The following GRK5 variants were observed in gnomAD, a reference collection of about 807,000 sequenced individuals.
GRK5 encodes the protein g protein-coupled receptor kinase GRK5.
Under a neutral mutation model 78.4 loss-of-function variants are expected in GRK5, and 40 were observed. The ratio of observed to expected loss-of-function variants is 0.51; its 90% confidence interval spans 0.40 to 0.66. The LOEUF is 0.66. Among genes scored for constraint, GRK5 ranks in the 30% least tolerant of loss-of-function variants. GRK5 has a pLI of 0.00. For synonymous variants in GRK5, 289 were observed against 296.8 expected (o/e 0.97, Z 0.27); for missense variants, 598 against 759.9 (o/e 0.79, Z 2.50).
intron 1 of GRK5, among the ~76,000 whole-genome samples, chr10:119,274,460 G>C (rs1849635245): frequency 6.6e-6 from 1 of 152,216 alleles, no homozygotes; most frequent in Non-Finnish European, 1.5e-5. Flanking sequence ...ACTTACCTGT[G>C]CTTCCTTCAG....
chr10:119,448,001 C>T (rs1853189444), intron 12 of GRK5, 122 bp from the exon 13 acceptor site: 5 of 1,243,264 alleles, frequency 4.0e-6, no homozygotes, highest in Admixed American at 3.0e-5. Flanking sequence ...TGAAGCAAGA[C>T]CTTTGCAGGG....
intron 3 of GRK5, among the ~76,000 whole-genome samples, chr10:119,383,346 A>T (rs1851743984): frequency 6.6e-6 from 1 of 152,196 alleles, no homozygotes; most frequent in Non-Finnish European, 1.5e-5. Context: ...CCATCAGGGG[A>T]CATACACCAT....
At position 119,318,049 on chromosome 10, in the gene GRK5, C is replaced by T. The variant is rs557330811; in HGVS notation, c.53-8467C>T. On this transcript the variant is annotated intron_variant, in intron 1 of 15. Coordinates refer to ENST00000392870, the MANE Select transcript of GRK5 (RefSeq NM_005308.3). ...TCCCAGCGATGCTGATGCTGCTGGT[C>T]CAAGGACCACCGAGAACCACTGACT... Among the ~76,000 whole-genome samples, 10 of 123,978 alleles carry T rather than the reference C, an allele frequency of 8.1e-5. No homozygotes were observed. In the South Asian group the frequency reaches 2.9e-3, roughly 36 times the overall value. The allele number at this position is 123,978 out of a possible 152,430, so 81.3% of individuals were successfully genotyped here.
intron 4 of GRK5, among the ~76,000 whole-genome samples, chr10:119,419,123 T>A (rs1589799693): frequency 6.6e-6 from 1 of 152,222 alleles, no homozygotes; most frequent in Non-Finnish European, 1.5e-5. Flanking sequence ...CCCCTCTCCC[T>A]TCTCCAGCCC....
chr10:119,279,347 G>A (rs1399195356), intron 1 of GRK5, among the ~76,000 whole-genome samples: 1 of 152,156 alleles, frequency 6.6e-6, no homozygotes, highest in Non-Finnish European at 1.5e-5. Flanking sequence ...GAATTTGGGG[G>A]CATACAATTC....
chr10:119,266,618 C>A (rs1362668396), intron 1 of GRK5, among the ~76,000 whole-genome samples: 1 of 152,048 alleles, frequency 6.6e-6, no homozygotes, highest in African/African-American at 2.4e-5. Context: ...CCAAGGGAAC[C>A]CGCTGTCTAA....
At chr10:119,354,590 CG>C (rs1158594991) in intron 2 of GRK5, among the ~76,000 whole-genome samples, 1 of 151,902 alleles carries the variant, frequency 6.6e-6, no homozygotes, top group Non-Finnish European at 1.5e-5. Context: ...TTTGTAGAGA[CG>C]GGGTTTTGCC....
At chr10:119,429,099 A>G (rs890173670) in intron 6 of GRK5, among the ~76,000 whole-genome samples, 1 of 152,246 alleles carries the variant, frequency 6.6e-6, no homozygotes, top group Non-Finnish European at 1.5e-5. Flanking sequence ...CCTGTGCAGA[A>G]GAGCGGGATA....
intron 2 of GRK5, among the ~76,000 whole-genome samples, chr10:119,375,743 G>A (rs1229457819): frequency 6.6e-6 from 1 of 152,138 alleles, no homozygotes; most frequent in Non-Finnish European, 1.5e-5. Context: ...GGCCAGCTGT[G>A]GGCATGCCGG....
Position 119,396,184 on chromosome 10 carries a change from G to C in GRK5, c.262-511G>C, listed in dbSNP as rs544164320. ...TATAATCAGTGTATACCTAGGTGCT[G>C]GTACCATCTGCGTTTTATAGAAGGG... On this transcript the variant is annotated intron_variant, in intron 3 of 15. Transcript: ENST00000392870. Among the ~76,000 whole-genome samples, 247 of 152,316 alleles carry C rather than the reference G, an allele frequency of 1.6e-3. 1 individual carries two copies. Among genetic ancestry groups the C allele is most frequent in the Non-Finnish European group, 2.9e-3 (195 of 68,022 alleles).
At chr10:119,397,917 G>C (rs1008596746) in intron 4 of GRK5, among the ~76,000 whole-genome samples, 1 of 152,212 alleles carries the variant, frequency 6.6e-6, no homozygotes, top group African/African-American at 2.4e-5. Flanking sequence ...CTGTTTCTCT[G>C]CTGCATCCAT....
At chr10:119,208,117 G>C in intron 1 of GRK5, 148 bp downstream of exon 1, 2 of 696,550 alleles carry the variant, frequency 2.9e-6, no homozygotes, top group Non-Finnish European at 4.7e-6. Context: ...GAGCGGCTCT[G>C]CAGACCCTTC....
At chr10:119,292,098 T>C (rs1180416841) in intron 1 of GRK5, among the ~76,000 whole-genome samples, 13 of 40,438 alleles carry the variant, frequency 3.2e-4, no homozygotes, top group East Asian at 1.1e-3. Context: ...CCTTCTCCTC[T>C]TCCTCCTTCT....
chr10:119,406,611 C>A, intron 4 of GRK5: 1 of 334,952 alleles, frequency 3.0e-6, no homozygotes, highest in East Asian at 1.7e-4. Flanking sequence ...GTCAATTAAT[C>A]TAGTGAGCTC....
At chr10:119,292,301 C>CTTCCTCCTTCTCCTCCTA (rs1327209114) in intron 1 of GRK5, among the ~76,000 whole-genome samples, 1 of 151,150 alleles carries the variant, frequency 6.6e-6, no homozygotes, top group African/African-American at 2.4e-5. Flanking sequence ...TTCTCCTCCT[C>CTTCCTCCTTCTCCTCCTA]TTCCTCCTTC....
intron 4 of GRK5, 94 bp from the exon 5 acceptor site, chr10:119,423,072 G>C (rs1014269199): frequency 1.3e-6 from 1 of 787,000 alleles, no homozygotes; most frequent in Admixed American, 1.8e-5. Flanking sequence ...AGCACCTGGA[G>C]CGTGGCTGGT....
intron 2 of GRK5, among the ~76,000 whole-genome samples, chr10:119,368,579 C>G (rs1851490576): frequency 6.6e-6 from 1 of 152,204 alleles, no homozygotes; most frequent in Non-Finnish European, 1.5e-5. Flanking sequence ...AAAGGGGAAA[C>G]CAAGGTCCAG....
chr10:119,369,604 G>GA (rs1465690418), intron 2 of GRK5, among the ~76,000 whole-genome samples: 1 of 152,122 alleles, frequency 6.6e-6, no homozygotes, highest in Non-Finnish European at 1.5e-5. Context: ...CAAAAATATG[G>GA]AAAAATAGAA....
chr10:119,317,332 G>T (rs1850504087), intron 1 of GRK5, among the ~76,000 whole-genome samples: 1 of 148,304 alleles, frequency 6.7e-6, no homozygotes, highest in African/African-American at 2.5e-5. Flanking sequence ...AAGGCAAAGA[G>T]GCATTCAGTA....
Sources: allele counts gnomAD v4.1 joint callset (sites outside exome capture counted in the v4.1 genomes callset), GRCh38; gene constraint gnomAD v4.1.1; transcripts MANE v1.5; gene names NCBI Gene and HGNC (gene_info 2026-07-23, HGNC 2026-07-21).